The following CFAP54 variants were observed in gnomAD, a reference collection of about 807,000 sequenced individuals.
CFAP54 encodes cilia- and flagella-associated protein 54.
Under a neutral mutation model 370.4 loss-of-function variants are expected in CFAP54, and 290 were observed. That is an observed-to-expected ratio of 0.78 (90% CI 0.71 to 0.86). The LOEUF (loss-of-function observed/expected upper bound fraction) is 0.86. Ranked by LOEUF, CFAP54 falls within the 40% of genes least tolerant of loss-of-function variation. The pLI is 0.00. For missense variants in CFAP54, 3,399 were observed against 3,528.7 expected (o/e 0.96, Z 0.93); for synonymous variants, 1,206 against 1,236.5 (o/e 0.98, Z 0.52).
At chr12:96,631,948 G>C (rs551332232) in intron 32 of CFAP54, among the ~76,000 whole-genome samples, 6 of 151,472 alleles carry the variant, frequency 4.0e-5, no homozygotes, top group Non-Finnish European at 8.9e-5. Flanking sequence ...TTGCTAAGTT[G>C]CTCTTAAATT....
At chr12:96,650,823 C>T (rs936711923) in intron 35 of CFAP54, among the ~76,000 whole-genome samples, 14 of 152,120 alleles carry the variant, frequency 9.2e-5, no homozygotes, top group Non-Finnish European at 1.8e-4. Context: ...CCATAAGCAT[C>T]GAATCCTATC....
chr12:96,642,958 C>T (rs1048947459), intron 32 of CFAP54, among the ~76,000 whole-genome samples: 2 of 152,146 alleles, frequency 1.3e-5, no homozygotes, highest in Non-Finnish European at 2.9e-5. Flanking sequence ...ATTACCTTGC[C>T]AAGATACCTG....
At chr12:96,801,215 G>A (rs529077778) in intron 63 of CFAP54, among the ~76,000 whole-genome samples, 1 of 152,296 alleles carries the variant, frequency 6.6e-6, no homozygotes, top group East Asian at 1.9e-4. Flanking sequence ...CAATAATTCA[G>A]AGGGCTAATA....
intron 27 of CFAP54, among the ~76,000 whole-genome samples, chr12:96,623,409 A>C (rs1453848217): frequency 6.6e-6 from 1 of 152,182 alleles, no homozygotes; most frequent in Non-Finnish European, 1.5e-5. Context: ...AAAGGGATAC[A>C]TTTCTGAGGG....
intron 30 of CFAP54, among the ~76,000 whole-genome samples, chr12:96,629,326 C>T (rs1159831273): frequency 1.3e-5 from 2 of 151,808 alleles, no homozygotes; most frequent in African/African-American, 4.8e-5. Flanking sequence ...TTTTTTGAGA[C>T]AGAGTCTCGG....
chr12:96,730,236 T>G (rs1957905610), intron 50 of CFAP54, among the ~76,000 whole-genome samples: 2 of 152,190 alleles, frequency 1.3e-5, no homozygotes, highest in South Asian at 4.2e-4. Flanking sequence ...AGAAGTTAAT[T>G]TAAAAAGGTC....
Position 96,594,554 on chromosome 12 carries a change from G to A in CFAP54, c.3516+108G>A, listed in dbSNP as rs1956157562. On this transcript the variant is annotated intron_variant, in intron 25 of 67. Transcript: ENST00000524981. ...TCTCTTATAAAGGGCAAATAGGTCA[G>A]GAATCAGTATTATGAAATTTTAGGA... 5 of 741,464 alleles carry A rather than the reference G, an allele frequency of 6.7e-6. No homozygotes were observed. The South Asian group carries it at 1.9e-4, about 28-fold the overall frequency. The allele number at this position is 741,464 out of a possible 1,614,324, so 45.9% of individuals were successfully genotyped here.
chr12:96,530,513 CT>C (rs1247246296), intron 9 of CFAP54, among the ~76,000 whole-genome samples: 1 of 152,038 alleles, frequency 6.6e-6, no homozygotes, highest in African/African-American at 2.4e-5. Context: ...TTTTTTTTCA[CT>C]TGTTACTGCT....
intron 50 of CFAP54, among the ~76,000 whole-genome samples, chr12:96,731,014 A>C (rs1957913923): frequency 6.6e-6 from 1 of 152,206 alleles, no homozygotes; most frequent in Non-Finnish European, 1.5e-5. Flanking sequence ...CCCCCTGGGC[A>C]TGGGGGTGTA....
chr12:96,777,967 A>C (rs1958537382), intron 60 of CFAP54, among the ~76,000 whole-genome samples: 2 of 152,208 alleles, frequency 1.3e-5, no homozygotes, highest in African/African-American at 4.8e-5. Flanking sequence ...CACATCTGTA[A>C]ATTTGAGCCA....
At chr12:96,664,728 TA>T (rs1957049689) in intron 39 of CFAP54, among the ~76,000 whole-genome samples, 2 of 13,070 alleles carry the variant, frequency 1.5e-4, no homozygotes, top group South Asian at 1.2e-3. Flanking sequence ...TATATATCTA[TA>T]TATATATATC....
chr12:96,644,175 C>T lies in CFAP54; in HGVS notation c.4317-3C>T. 6.6e-7 allele frequency: 1 copy of T among 1,515,330 alleles called. No individual in the cohort carries two copies. The highest frequency in any genetic ancestry group is 8.8e-7 in the Non-Finnish European group (1 of 1,133,380). 93.9% of individuals were successfully genotyped at this position (1,515,330 alleles called of 1,614,324 possible). On this transcript the variant is annotated splice_polypyrimidine_tract_variant and splice_region_variant and intron_variant, in intron 32 of 67. Transcript: ENST00000524981. ...ATTTCAAAACTTCTTTCTCCCTTGGCAGAAATAGGAGAACCAGTGTTAGGA... is the reference window on the plus strand; with the variant it reads ...ATTTCAAAACTTCTTTCTCCCTTGGTAGAAATAGGAGAACCAGTGTTAGGA...
intron 26 of CFAP54, among the ~76,000 whole-genome samples, chr12:96,603,949 C>T (rs748514519): frequency 1.3e-5 from 2 of 152,176 alleles, no homozygotes; most frequent in Non-Finnish European, 2.9e-5. Flanking sequence ...CTTCTGAAGC[C>T]TACTTCTGTG....
At chr12:96,817,064 T>C (rs1958982396) in intron 64 of CFAP54, among the ~76,000 whole-genome samples, 1 of 152,182 alleles carries the variant, frequency 6.6e-6, no homozygotes, top group Non-Finnish European at 1.5e-5. Flanking sequence ...TTGTCATAAT[T>C]CTTACCTGCA....
chr12:96,855,336 G>C (rs1448817655), intron 66 of CFAP54, among the ~76,000 whole-genome samples: 1 of 152,034 alleles, frequency 6.6e-6, no homozygotes, highest in Non-Finnish European at 1.5e-5. Context: ...ACACAATCAG[G>C]CCATCTAACA....
In CFAP54 at chr12:96,504,939, CTCTTTCTTTCTTTT is replaced by C. The variant is rs756836216; in HGVS notation, c.567+924_567+937del. 1.3e-3 allele frequency among the ~76,000 whole-genome samples: 195 copies of C among 150,800 alleles called. 1 individual carries two copies. Among genetic ancestry groups the C allele is most frequent in the South Asian group, 6.1e-3 (29 of 4,790 alleles). On this transcript the variant is annotated intron_variant, in intron 3 of 67. Transcript: ENST00000524981. Reference sequence around the variant, plus strand: ...TGCCAGAATTTATTTTTCTTTCTTCCTCTTTCTTTCTTTTTCTTTCTTTCTTTCTTTCTTTCCCT... The same window carrying C: ...TGCCAGAATTTATTTTTCTTTCTTCCTCTTTCTTTCTTTCTTTCTTTCCCT...
At position 96,745,627 on chromosome 12, in the gene CFAP54, CTGTT is replaced by C. The variant is rs142491761; in HGVS notation, c.7684+1482_7684+1485del. ...GATTTTCTCCCATTCTGTAGGTTGT[CTGTT>C]CATTCTGATGATAGTTTCTTTTGCT... On this transcript the variant is annotated intron_variant, in intron 55 of 67. Coordinates refer to ENST00000524981, the MANE Select transcript of CFAP54 (RefSeq NM_001306084.2). Among the ~76,000 whole-genome samples the C allele has an allele frequency of 6.2e-3, 947 of 152,080 alleles. 11 individuals are homozygous for C. The highest frequency in any genetic ancestry group is 0.022 in the African/African-American group (896 of 41,492).
At chr12:96,704,362 G>T (rs2136584271) in intron 46 of CFAP54, among the ~76,000 whole-genome samples, 1 of 147,778 alleles carries the variant, frequency 6.8e-6, no homozygotes, top group South Asian at 2.1e-4. Flanking sequence ...GGGAGGTGGA[G>T]CTTGCAGTGA....
chr12:96,499,819 G>A (rs560515825), intron 1 of CFAP54, among the ~76,000 whole-genome samples: 18 of 152,142 alleles, frequency 1.2e-4, no homozygotes, highest in African/African-American at 4.1e-4. Context: ...GGTGGTGCAC[G>A]CCTGTAATCC....
Sources: gnomAD v4.1 joint callset for allele counts (sites outside exome capture counted in the v4.1 genomes callset) on GRCh38, gnomAD v4.1.1 for gene constraint, MANE v1.5 for transcripts, NCBI Gene and HGNC (gene_info 2026-07-23, HGNC 2026-07-21) for gene names.